Variants in PNPT1 observed in about 807,000 individuals in gnomAD.
PNPT1 encodes polyribonucleotide nucleotidyltransferase 1, mitochondrial.
A neutral mutation model predicts 119.5 loss-of-function variants in PNPT1; 53 were observed. That is an observed-to-expected ratio of 0.44 (90% CI 0.36 to 0.56). The LOEUF (loss-of-function observed/expected upper bound fraction) is 0.56, where lower values mean the gene tolerates loss of function less well. Ranked by LOEUF, PNPT1 falls within the 20% of genes least tolerant of loss-of-function variation. PNPT1 has a pLI of 0.00. For synonymous variants in PNPT1, 357 were observed against 322.1 expected (o/e 1.11, Z -1.16); for missense variants, 948 against 938.5 (o/e 1.01, Z -0.13).
intron 11 of PNPT1, 129 bp downstream of exon 11, chr2:55,671,190 G>C: frequency 2.1e-6 from 1 of 468,118 alleles, no homozygotes; most frequent in Admixed American, 4.3e-5. Context: ...AAAGTCCTTT[G>C]AATTCTTCTT....
At chr2:55,644,754 T>C (rs745661934) in intron 22 of PNPT1, 34 bp from the exon 23 acceptor site, 1 of 1,494,402 alleles carries the variant, frequency 6.7e-7, no homozygotes, top group East Asian at 2.3e-5. Context: ...TATAAACAAT[T>C]CAACTACATA....
chr2:55,683,591 C>T (rs1190933828), intron 5 of PNPT1, among the ~76,000 whole-genome samples, 194 bp downstream of exon 5: 10 of 136,224 alleles, frequency 7.3e-5, no homozygotes, highest in Admixed American at 2.4e-4. Context: ...CCAGCCTGGG[C>T]GACAAAGTGA....
chr2:55,672,821 G>T, intron 9 of PNPT1, 72 bp downstream of exon 9: 1 of 1,402,102 alleles, frequency 7.1e-7, no homozygotes, highest in Non-Finnish European at 9.7e-7. Flanking sequence ...TGCTTCCATG[G>T]GAAGTTTCTC....
chr2:55,675,904 G>A (rs1295463487), intron 8 of PNPT1, among the ~76,000 whole-genome samples: 1 of 152,132 alleles, frequency 6.6e-6, no homozygotes, highest in Non-Finnish European at 1.5e-5. Flanking sequence ...TCCCTTCACT[G>A]CAGAGTTCTA....
chr2:55,686,163 C>T (rs1264023962), intron 3 of PNPT1, among the ~76,000 whole-genome samples: 3 of 152,158 alleles, frequency 2.0e-5, no homozygotes, highest in Admixed American at 6.5e-5. Flanking sequence ...CGCACCTGGA[C>T]GTTCCAAATT....
At position 55,656,225 on chromosome 2, in the gene PNPT1, A is replaced by G. The variant is rs746743596; in HGVS notation, c.1352-5T>C. The G allele has an allele frequency of 8.7e-6, 14 of 1,612,848 alleles. No homozygotes were observed. In the Admixed American group the frequency reaches 2.3e-4, roughly 27 times the overall value. Reference sequence around the variant, plus strand: ...AAGCTTTCTCAGCAAGAGCACCTAAATTAGAATAGAAAACAATAAGTAAAA... The same window carrying G: ...AAGCTTTCTCAGCAAGAGCACCTAAGTTAGAATAGAAAACAATAAGTAAAA... On this transcript the variant is annotated splice_polypyrimidine_tract_variant and splice_region_variant and intron_variant, in intron 16 of 27. Coordinates refer to ENST00000447944, the MANE Select transcript of PNPT1 (RefSeq NM_033109.5).
At position 55,667,878 on chromosome 2, in the gene PNPT1, A is replaced by G; in HGVS notation, c.1057T>C (p.Leu353=). ...TATGTTTACCTTTTGTATTCATTCA[A>G]AACAATACTTCTAAAAACTTCCTTT... ...VAKEVFRSIV[L]NEYKRCDGRD... The change falls in exon 12 of 28, where the codon TTG becomes CTG. Residue 353 remains leucine (L), a synonymous_variant. Coordinates refer to ENST00000447944, the MANE Select transcript of PNPT1 (RefSeq NM_033109.5). 6.3e-7 allele frequency: 1 copy of G among 1,598,906 alleles called. No homozygotes were observed. The highest frequency in any genetic ancestry group is 8.5e-7 in the Non-Finnish European group (1 of 1,175,946).
At chr2:55,653,875 C>G (rs1163422379) in intron 18 of PNPT1, among the ~76,000 whole-genome samples, 2 of 152,054 alleles carry the variant, frequency 1.3e-5, no homozygotes, top group African/African-American at 4.8e-5. Context: ...CAGAGAAATC[C>G]TTTTGTGGCC....
At position 55,654,942 on chromosome 2, in the gene PNPT1, T is replaced by G. The variant is rs767310806; in HGVS notation, c.1453A>C (p.Met485Leu). The G allele has an allele frequency of 6.2e-7, 1 of 1,613,378 alleles. No individual in the cohort carries two copies. The highest frequency in any genetic ancestry group is 8.5e-7 in the Non-Finnish European group (1 of 1,179,598). Residue 485 changes from methionine (M) to leucine (L), a missense_variant, in exon 18 of 28, where the codon ATG becomes CTG. Transcript: ENST00000447944. Reference sequence around the variant, plus strand: ...AAACTTCCGCCACATGCAGATGCCATAGAAGATGACCCTATAGAAAGAAAA... The same window carrying G: ...AAACTTCCGCCACATGCAGATGCCAGAGAAGATGACCCTATAGAAAGAAAA... ...EVLESNGSSS[M>L]ASACGGSLAL...
At chr2:55,653,221 A>C (rs1303465391) in intron 18 of PNPT1, among the ~76,000 whole-genome samples, 1 of 152,198 alleles carries the variant, frequency 6.6e-6, no homozygotes, top group Non-Finnish European at 1.5e-5. Context: ...GTCACGATCA[A>C]GTTCATTGGG....
rs963540766 is a variant in PNPT1 at position 55,686,430 on chromosome 2, T to G, written c.237A>C (p.Ala79=). ...GSAVVQSGDT[A]VMVTAVSKTK... The stretch of plus-strand genomic sequence containing the variant: ...TTTTACTGACCGCTGTGACCATTAC[T>G]GCAGTGTCACCTGACTTAAACATAA... Residue 79 remains alanine (A), a synonymous_variant, in exon 3 of 28, where the codon GCA becomes GCC. Coordinates refer to ENST00000447944, the MANE Select transcript of PNPT1 (RefSeq NM_033109.5). The G allele has an allele frequency of 1.2e-6, 2 of 1,613,786 alleles. No individual in the cohort carries two copies. The highest frequency in any genetic ancestry group is 3.3e-5 in the Admixed American group (2 of 59,952).
At chr2:55,688,049 T>C (rs1697469152) in intron 1 of PNPT1, among the ~76,000 whole-genome samples, 1 of 143,448 alleles carries the variant, frequency 7.0e-6, no homozygotes, top group Non-Finnish European at 1.5e-5. Context: ...TTTTCTTTTC[T>C]TTTTTTTTTT....
At chr2:55,650,155 C>T (rs1696126639) in intron 18 of PNPT1, among the ~76,000 whole-genome samples, 1 of 150,278 alleles carries the variant, frequency 6.7e-6, no homozygotes, top group African/African-American at 2.4e-5. Flanking sequence ...TCTACCTCTA[C>T]CTCTACCTCT....
chr2:55,657,068 C>A (rs1196469591), intron 15 of PNPT1, among the ~76,000 whole-genome samples: 3 of 152,190 alleles, frequency 2.0e-5, no homozygotes, highest in Non-Finnish European at 4.4e-5. Context: ...GTGGCTCATG[C>A]CTGTAATCCC....
At chr2:55,667,114 A>G in intron 12 of PNPT1, 21 bp from the exon 13 acceptor site, 1 of 1,547,642 alleles carries the variant, frequency 6.5e-7, no homozygotes, top group Non-Finnish European at 8.9e-7. Flanking sequence ...ATAGGAAATA[A>G]GTACATTAAG....
intron 23 of PNPT1, among the ~76,000 whole-genome samples, chr2:55,644,345 C>G (rs1695923039): frequency 6.6e-6 from 1 of 151,928 alleles, no homozygotes. Flanking sequence ...GTAATAATTC[C>G]TCTAAAGTTA....
intron 13 of PNPT1, among the ~76,000 whole-genome samples, chr2:55,664,818 C>T (rs1696685724): frequency 6.6e-6 from 1 of 151,918 alleles, no homozygotes; most frequent in South Asian, 2.1e-4. Context: ...TAAAAGAAAA[C>T]CTGAATCAAA....
chr2:55,672,564 T>G, intron 9 of PNPT1, among the ~76,000 whole-genome samples: 1 of 152,260 alleles, frequency 6.6e-6, no homozygotes, highest in East Asian at 1.9e-4. Flanking sequence ...ACCTCTGATT[T>G]CTTTTTGAGA....
At chr2:55,650,345 G>A (rs1292381693) in intron 18 of PNPT1, among the ~76,000 whole-genome samples, 1 of 152,216 alleles carries the variant, frequency 6.6e-6, no homozygotes, top group African/African-American at 2.4e-5. Flanking sequence ...GGGTTTCGCT[G>A]TGTTGGCTGG....
Sources: gnomAD v4.1 joint callset for allele counts (sites outside exome capture counted in the v4.1 genomes callset) on GRCh38, gnomAD v4.1.1 for gene constraint, MANE v1.5 for transcripts, NCBI Gene and HGNC (gene_info 2026-07-23, HGNC 2026-07-21) for gene names.